Variants in OR8A1 observed in about 807,000 individuals in gnomAD.
The protein encoded by OR8A1 is olfactory receptor family 8 subfamily A member 1, also known as olfactory receptor 8A1.
Under a neutral mutation model 13.4 loss-of-function variants are expected in OR8A1, and 5 were observed. That is an observed-to-expected ratio of 0.37 (90% CI 0.19 to 0.78). OR8A1 has a LOEUF of 0.78. OR8A1 is among the 30% of genes least tolerant of loss of function. The probability of loss-of-function intolerance (pLI) is 0.47; values close to 1 mark genes in which losing one functional copy is unlikely to be tolerated. For missense variants in OR8A1, 354 were observed against 374.8 expected (o/e 0.94, Z 0.46); for synonymous variants, 156 against 150.4 (o/e 1.04, Z -0.27).
At position 124,570,826 on chromosome 11, in the gene OR8A1, C is replaced by G. The variant is rs1862673253; in HGVS notation, c.707C>G (p.Ala236Gly). 6.2e-7 allele frequency: 1 copy of G among 1,614,100 alleles called. No homozygotes were observed. Among genetic ancestry groups the G allele is most frequent in the Non-Finnish European group, 8.5e-7 (1 of 1,179,998 alleles). The part of the protein sequence containing the change: ...GISTTEGRSK[A>G]FSTCSSHLAA... ...AGCACCACAGAGGGGAGATCCAAAG[C>G]CTTCAGCACCTGCAGCTCCCACCTT... The change falls in exon 1 of 1, where the codon GCC (alanine) becomes GGC (glycine). Residue 236 changes from alanine to glycine, a missense_variant. Ala to Gly is a moderately conservative substitution (Grantham distance 60, BLOSUM62 0). Transcript: ENST00000284287.
In OR8A1 at chr11:124,571,037, T is replaced by A; in HGVS notation, c.918T>A (p.Gly306=). 6.2e-7 allele frequency: 1 copy of A among 1,609,850 alleles called. No individual in the cohort carries two copies. Residue 306 remains glycine (G), a synonymous_variant, in exon 1 of 1, where the codon GGT becomes GGA. Coordinates refer to ENST00000284287, the MANE Select transcript of OR8A1 (RefSeq NM_001005194.2). The part of the protein sequence containing the change: ...VKAAVQKTLR[G]KLF ...CTGCCGTGCAGAAAACGCTGAGGGG[T>A]AAACTGTTTTGATGCAAATGTTATT...
At position 124,570,959 on chromosome 11, in the gene OR8A1, A is replaced by G; in HGVS notation, c.840A>G (p.Val280=). 1 of 1,614,088 alleles carries G rather than the reference A, an allele frequency of 6.2e-7. No homozygotes were observed. Among genetic ancestry groups the G allele is most frequent in the South Asian group, 1.1e-5 (1 of 91,076 alleles). ...TGGCCTCTGTGTTCTACACCACGGT[A>G]ATCCCCATGTTGAATCCCCTAATCT... ...ENVASVFYTT[V]IPMLNPLIYS... is the part of the protein sequence containing the mutation. The change falls in exon 1 of 1, where the codon GTA becomes GTG. Residue 280 remains valine, a synonymous_variant. Transcript: ENST00000284287.
chr11:124,570,978 C>G lies in OR8A1; in HGVS notation c.859C>G (p.Leu287Val), dbSNP rs2134317290. The stretch of plus-strand genomic sequence containing the variant: ...CACGGTAATCCCCATGTTGAATCCC[C>G]TAATCTACAGCCTGAGGAACAAGGA... ...YTTVIPMLNP[L>V]IYSLRNKEVK... The change falls in exon 1 of 1, where the codon CTA (leucine) becomes GTA (valine). Residue 287 changes from leucine to valine, a missense_variant. Physicochemically the swap from Leu to Val is conservative, Grantham distance 32 (BLOSUM62 1). Transcript: ENST00000284287. 6.2e-7 allele frequency: 1 copy of G among 1,614,056 alleles called. No individual in the cohort carries two copies. Among genetic ancestry groups the G allele is most frequent in the East Asian group, 2.2e-5 (1 of 44,868 alleles).
In OR8A1 at chr11:124,570,061, G is replaced by A; in HGVS notation, c.-59G>A. The A allele has an allele frequency of 6.2e-7, 1 of 1,601,202 alleles. No homozygotes were observed. Among genetic ancestry groups the A allele is most frequent in the Non-Finnish European group, 8.5e-7 (1 of 1,173,606 alleles). On this transcript the variant is annotated 5_prime_UTR_variant, in exon 1 of 1. Transcript: ENST00000284287. ...GCTCAAGACTAGCCGTCCAAGATTA[G>A]CCTTTTAATGGGGTTCTTGTCTCCC... is the stretch of plus-strand genomic sequence containing the variant.
chr11:124,571,051 G>A lies in OR8A1; in HGVS notation c.*2G>A. 6.2e-7 allele frequency: 1 copy of A among 1,602,944 alleles called. No individual in the cohort carries two copies. Among genetic ancestry groups the A allele is most frequent in the Non-Finnish European group, 8.5e-7 (1 of 1,175,082 alleles). On this transcript the variant is annotated 3_prime_UTR_variant, in exon 1 of 1. Transcript: ENST00000284287. ...ACGCTGAGGGGTAAACTGTTTTGAT[G>A]CAAATGTTATTGTTCCTTTTCAATT...
chr11:124,570,258 A>G lies in OR8A1; in HGVS notation c.139A>G (p.Thr47Ala), dbSNP rs1862659880. 6.2e-7 allele frequency: 1 copy of G among 1,613,750 alleles called. No homozygotes were observed. Among genetic ancestry groups the G allele is most frequent in the South Asian group, 1.1e-5 (1 of 91,070 alleles). ...VTIVGNLGMI[T>A]LICLNSQLHT... Reference sequence around the variant, plus strand: ...CATCGTGGGGAACCTGGGCATGATCACTCTAATTTGTCTGAACTCTCAGCT... The same window carrying G: ...CATCGTGGGGAACCTGGGCATGATCGCTCTAATTTGTCTGAACTCTCAGCT... The change falls in exon 1 of 1, where the codon ACT becomes GCT. Residue 47 changes from threonine to alanine, a missense_variant. Thr to Ala is a moderately conservative substitution (Grantham distance 58, BLOSUM62 0). Coordinates refer to ENST00000284287, the MANE Select transcript of OR8A1 (RefSeq NM_001005194.2).
chr11:124,571,190 C>A lies in OR8A1; in HGVS notation c.*141C>A. ...GTGAATGGGCATTTTTCCTTCTTTC[C>A]TCTTCCTTCCCTCTTCCTTTCCTCT... On this transcript the variant is annotated 3_prime_UTR_variant, in exon 1 of 1. Coordinates refer to ENST00000284287, the MANE Select transcript of OR8A1 (RefSeq NM_001005194.2). The A allele has an allele frequency of 1.4e-6, 1 of 693,786 alleles. No individual in the cohort carries two copies. Among genetic ancestry groups the A allele is most frequent in the Non-Finnish European group, 2.3e-6 (1 of 427,034 alleles). 43.0% of individuals were successfully genotyped at this position (693,786 alleles called of 1,614,324 possible).
rs2134316408 is a variant in OR8A1 at position 124,570,514 on chromosome 11, A to C, written c.395A>C (p.Tyr132Ser). ...GTTGCCATCTGCCACCCTTTGCTTTACAACATCATTATGTCTCATCACACC... is the reference window on the plus strand; with the variant it reads ...GTTGCCATCTGCCACCCTTTGCTTTCCAACATCATTATGTCTCATCACACC... The part of the protein sequence containing the change: ...RYVAICHPLL[Y>S]NIIMSHHTCL... Residue 132 changes from tyrosine (Y) to serine (S), a missense_variant, in exon 1 of 1, where the codon TAC becomes TCC. By Grantham distance (144) the Tyr-to-Ser change is moderately radical. Coordinates refer to ENST00000284287, the MANE Select transcript of OR8A1 (RefSeq NM_001005194.2). 1 of 1,614,072 alleles carries C rather than the reference A, an allele frequency of 6.2e-7. No individual in the cohort carries two copies. The highest frequency in any genetic ancestry group is 1.1e-5 in the South Asian group (1 of 91,072).
Position 124,571,190 on chromosome 11 carries a change from C to T in OR8A1, c.*141C>T. Reference sequence around the variant, plus strand: ...GTGAATGGGCATTTTTCCTTCTTTCCTCTTCCTTCCCTCTTCCTTTCCTCT... The same window carrying T: ...GTGAATGGGCATTTTTCCTTCTTTCTTCTTCCTTCCCTCTTCCTTTCCTCT... On this transcript the variant is annotated 3_prime_UTR_variant, in exon 1 of 1. Coordinates refer to ENST00000284287, the MANE Select transcript of OR8A1 (RefSeq NM_001005194.2). 1.4e-6 allele frequency: 1 copy of T among 693,786 alleles called. No individual in the cohort carries two copies. The highest frequency in any genetic ancestry group is 2.3e-6 in the Non-Finnish European group (1 of 427,034). The allele number at this position is 693,786 out of a possible 1,614,324, so 43.0% of individuals were successfully genotyped here.
Position 124,570,779 on chromosome 11 carries a change from T to C in OR8A1, c.660T>C (p.Ile220=). The part of the protein sequence containing the change: ...SLTVLVSYTF[I]LSSILGISTT... ...CAGTTCTTGTTTCTTACACCTTCATTCTCTCCAGCATCCTCGGCATCAGCA... is the reference window on the plus strand; with the variant it reads ...CAGTTCTTGTTTCTTACACCTTCATCCTCTCCAGCATCCTCGGCATCAGCA... The change falls in exon 1 of 1, where the codon ATT becomes ATC. Residue 220 remains isoleucine, a synonymous_variant. Transcript: ENST00000284287. 1 of 1,613,964 alleles carries C rather than the reference T, an allele frequency of 6.2e-7. No individual in the cohort carries two copies. Among genetic ancestry groups the C allele is most frequent in the Non-Finnish European group, 8.5e-7 (1 of 1,179,954 alleles).
At position 124,570,956 on chromosome 11, in the gene OR8A1, G is replaced by C; in HGVS notation, c.837G>C (p.Thr279=). 6.2e-7 allele frequency: 1 copy of C among 1,613,968 alleles called. No individual in the cohort carries two copies. The highest frequency in any genetic ancestry group is 1.1e-5 in the South Asian group (1 of 91,070). ...QENVASVFYT[T]VIPMLNPLIY... is the part of the protein sequence containing the mutation. ...ATGTGGCCTCTGTGTTCTACACCAC[G>C]GTAATCCCCATGTTGAATCCCCTAA... The change falls in exon 1 of 1, where the codon ACG becomes ACC. Residue 279 remains threonine, a synonymous_variant. Transcript: ENST00000284287.
chr11:124,570,746 G>C lies in OR8A1; in HGVS notation c.627G>C (p.Thr209=). Residue 209 remains threonine, a synonymous_variant, in exon 1 of 1, where the codon ACG becomes ACC. Coordinates refer to ENST00000284287, the MANE Select transcript of OR8A1 (RefSeq NM_001005194.2). ...CGGCTGGATTCAACATCATAGTCAC[G>C]AGCTTAACAGTTCTTGTTTCTTACA... is the stretch of plus-strand genomic sequence containing the variant. The part of the protein sequence containing the change: ...FFSAGFNIIV[T]SLTVLVSYTF... 1 of 1,614,036 alleles carries C rather than the reference G, an allele frequency of 6.2e-7. No individual in the cohort carries two copies. The highest frequency in any genetic ancestry group is 1.1e-5 in the South Asian group (1 of 91,072).
rs751076359 is a variant in OR8A1, at chr11:124,570,237, G to A, written c.118G>A (p.Val40Met). 19 of 1,613,876 alleles carry A rather than the reference G, an allele frequency of 1.2e-5. No homozygotes were observed. The highest frequency in any genetic ancestry group is 4.0e-5 in the African/African-American group (3 of 74,866). The change falls in exon 1 of 1, where the codon GTG becomes ATG. Residue 40 changes from valine (V) to methionine (M), a missense_variant. Val to Met is a conservative substitution (Grantham distance 21). Coordinates refer to ENST00000284287, the MANE Select transcript of OR8A1 (RefSeq NM_001005194.2). ...CCTCGGGATCTACTTGGTCACCATC[G>A]TGGGGAACCTGGGCATGATCACTCT... ...LFLGIYLVTI[V>M]GNLGMITLIC...
chr11:124,570,535 A>C lies in OR8A1; in HGVS notation c.416A>C (p.His139Pro), dbSNP rs776125956. 1.2e-6 allele frequency: 2 copies of C among 1,613,630 alleles called. No individual in the cohort carries two copies. The highest frequency in any genetic ancestry group is 1.7e-5 in the Admixed American group (1 of 59,942). The change falls in exon 1 of 1, where the codon CAC (histidine) becomes CCC (proline). Residue 139 changes from histidine (H) to proline (P), a missense_variant. Transcript: ENST00000284287. ...CTTTACAACATCATTATGTCTCATC[A>C]CACCTGCCTGCTGCTGGTGGCTGTG... is the stretch of plus-strand genomic sequence containing the variant. ...PLLYNIIMSHHTCLLLVAVVY... is the reference protein window; with the variant it reads ...PLLYNIIMSHPTCLLLVAVVY...
rs778712657 is a variant in OR8A1 at position 124,570,618 on chromosome 11, C to T, written c.499C>T (p.Pro167Ser). 16 of 1,614,060 alleles carry T rather than the reference C, an allele frequency of 9.9e-6. No homozygotes were observed. In the East Asian group the frequency reaches 3.6e-4, roughly 36 times the overall value. Reference protein sequence around the residue: ...TIETGLMLKLPYCEHLISHYF... With the variant: ...TIETGLMLKLSYCEHLISHYF... ...AGAAACTGGCCTCATGTTAAAACTG[C>T]CCTATTGTGAGCACCTCATCAGTCA... The change falls in exon 1 of 1, where the codon CCC becomes TCC. Residue 167 changes from proline (P) to serine (S), a missense_variant. By Grantham distance (74) the Pro-to-Ser change is moderately conservative. Transcript: ENST00000284287.
chr11:124,570,379 C>T lies in OR8A1; in HGVS notation c.260C>T (p.Ser87Leu), dbSNP rs1470763371. The change falls in exon 1 of 1, where the codon TCA becomes TTA. Residue 87 changes from serine (S) to leucine (L), a missense_variant. Physicochemically the swap from Ser to Leu is moderately radical, Grantham distance 145. Transcript: ENST00000284287. ...ITPKMLVNFVSEKNIISYAGC... is the reference protein window; with the variant it reads ...ITPKMLVNFVLEKNIISYAGC... ...CCTAAGATGCTGGTGAACTTTGTGT[C>T]AGAGAAAAACATCATCTCCTACGCA... 1.2e-6 allele frequency: 2 copies of T among 1,614,114 alleles called. No individual in the cohort carries two copies. The highest frequency in any genetic ancestry group is 1.7e-6 in the Non-Finnish European group (2 of 1,180,014).
rs147098822 is a variant in OR8A1, at chr11:124,570,709, C to A, written c.590C>A (p.Thr197Lys). 6.2e-7 allele frequency: 1 copy of A among 1,613,958 alleles called. No individual in the cohort carries two copies. The highest frequency in any genetic ancestry group is 1.3e-5 in the African/African-American group (1 of 74,884). ...SCSSTYDVEMTVFFSAGFNII... is the reference protein window; with the variant it reads ...SCSSTYDVEMKVFFSAGFNII... ...TCTAGCACCTATGATGTTGAGATGACAGTCTTCTTTTCGGCTGGATTCAAC... is the reference window on the plus strand; with the variant it reads ...TCTAGCACCTATGATGTTGAGATGAAAGTCTTCTTTTCGGCTGGATTCAAC... The change falls in exon 1 of 1, where the codon ACA becomes AAA. Residue 197 changes from threonine to lysine, a missense_variant. By Grantham distance (78) the Thr-to-Lys change is moderately conservative (BLOSUM62 -1). Coordinates refer to ENST00000284287, the MANE Select transcript of OR8A1 (RefSeq NM_001005194.2).
rs1862680287 is a variant in OR8A1 at position 124,571,116 on chromosome 11, A to C, written c.*67A>C. The C allele has an allele frequency of 6.9e-7, 1 of 1,448,936 alleles. No individual in the cohort carries two copies. Among genetic ancestry groups the C allele is most frequent in the Non-Finnish European group, 9.3e-7 (1 of 1,070,192 alleles). 89.8% of individuals were successfully genotyped at this position (1,448,936 alleles called of 1,614,324 possible). A position where few individuals can be genotyped will look rare whatever the true frequency, so the allele number is the denominator to read the frequency against. On this transcript the variant is annotated 3_prime_UTR_variant, in exon 1 of 1. Coordinates refer to ENST00000284287, the MANE Select transcript of OR8A1 (RefSeq NM_001005194.2). ...ATAAATACCAGAGTGACAGCTTCTG[A>C]ATGCTGGCCAGCTGTGGATGGAAAA...
In OR8A1 at chr11:124,570,089, G is replaced by A; in HGVS notation, c.-31G>A. On this transcript the variant is annotated 5_prime_UTR_variant, in exon 1 of 1. The change abolishes an upstream ATG in the 5' untranslated region. Coordinates refer to ENST00000284287, the MANE Select transcript of OR8A1 (RefSeq NM_001005194.2). ...TTTTAATGGGGTTCTTGTCTCCCAT[G>A]CATCCCTGCAGGCCTCCCACCCAGA... The A allele has an allele frequency of 1.9e-6, 3 of 1,612,512 alleles. No individual in the cohort carries two copies. Among genetic ancestry groups the A allele is most frequent in the South Asian group, 2.2e-5 (2 of 90,830 alleles).
Sources: gnomAD v4.1 joint callset for allele counts on GRCh38, gnomAD v4.1.1 for gene constraint, MANE v1.5 for transcripts, NCBI Gene and HGNC (gene_info 2026-07-23, HGNC 2026-07-21) for gene names.